CSMD1: variants seen among roughly 807,000 people sequenced by gnomAD.
The protein encoded by CSMD1 is CUB and sushi domain-containing protein 1.
A neutral mutation model predicts 417.5 loss-of-function variants in CSMD1; 213 were observed. The ratio of observed to expected loss-of-function variants is 0.51; its 90% CI spans 0.46 to 0.57. The LOEUF is 0.57. CSMD1 is among the 20% of genes least tolerant of loss of function. CSMD1 has a pLI of 0.00. For missense variants in CSMD1, 6,923 were observed against 4,529.7 expected, an observed-to-expected ratio of 1.53 and a Z score of -15.17; for synonymous variants, 2,862 against 1,736.8, an observed-to-expected ratio of 1.65 and a Z score of -16.11.
At chr8:4,039,421 T>C (rs1797775411) in intron 3 of CSMD1, among the ~76,000 whole-genome samples, 8 of 152,220 alleles carry the variant, frequency 5.3e-5, no homozygotes, top group African/African-American at 1.7e-4. Context: ...ATTTTCAGGA[T>C]CACATTAAAA....
At chr8:4,145,171 T>C (rs756883616) in intron 3 of CSMD1, among the ~76,000 whole-genome samples, 2 of 151,160 alleles carry the variant, frequency 1.3e-5, no homozygotes, top group Non-Finnish European at 2.9e-5. Flanking sequence ...AACCCATTCA[T>C]TCAATTACTA....
At chr8:3,325,046 A>G (rs1305534941) in intron 23 of CSMD1, among the ~76,000 whole-genome samples, 5 of 152,208 alleles carry the variant, frequency 3.3e-5, no homozygotes, top group African/African-American at 1.2e-4. Context: ...GAATTTGTGG[A>G]GCAGAGAAAA....
chr8:4,053,232 G>C (rs1185027112), intron 3 of CSMD1, among the ~76,000 whole-genome samples: 1 of 152,202 alleles, frequency 6.6e-6, no homozygotes, highest in African/African-American at 2.4e-5. Flanking sequence ...ACAGCACCGT[G>C]TGTTTAGAAC....
At position 3,853,933 on chromosome 8, in the gene CSMD1, T is replaced by C. The variant is rs193057274; in HGVS notation, c.819-99891A>G. On this transcript the variant is annotated intron_variant, in intron 5 of 69. Coordinates refer to ENST00000635120, the MANE Select transcript of CSMD1 (RefSeq NM_033225.6). Reference sequence around the variant, plus strand: ...TACATTAAAGTATAATATATTAATATATTAAAGTATAATATATTAATATAT... The same window carrying C: ...TACATTAAAGTATAATATATTAATACATTAAAGTATAATATATTAATATAT... Among the ~76,000 whole-genome samples the C allele has an allele frequency of 7.8e-4, 114 of 146,562 alleles. 1 individual carries two copies. The highest frequency in any genetic ancestry group is 3.5e-3 in the Admixed American group (50 of 14,464).
intron 3 of CSMD1, among the ~76,000 whole-genome samples, chr8:4,381,977 G>C (rs935542864): frequency 2.0e-5 from 3 of 152,060 alleles, no homozygotes; most frequent in African/African-American, 7.2e-5. Flanking sequence ...ACTCTCTGTG[G>C]TAAAATGACC....
At chr8:3,488,387 C>G (rs1300135138) in intron 11 of CSMD1, among the ~76,000 whole-genome samples, 1 of 152,194 alleles carries the variant, frequency 6.6e-6, no homozygotes, top group African/African-American at 2.4e-5. Flanking sequence ...GGATTATAGG[C>G]GTATACCAGC....
chr8:4,740,316 ATGT>A (rs1319288268), intron 1 of CSMD1, among the ~76,000 whole-genome samples: 3 of 152,158 alleles, frequency 2.0e-5, no homozygotes, highest in Admixed American at 6.5e-5. Context: ...CATTTTACTA[ATGT>A]TGTGATATAG....
At chr8:3,559,571 T>C (rs905383661) in intron 10 of CSMD1, among the ~76,000 whole-genome samples, 1 of 152,168 alleles carries the variant, frequency 6.6e-6, no homozygotes, top group East Asian at 1.9e-4. Flanking sequence ...TTTGTGTTTA[T>C]AAACACAGAG....
intron 1 of CSMD1, among the ~76,000 whole-genome samples, chr8:4,922,782 A>G (rs997426994): frequency 5.3e-5 from 8 of 152,126 alleles, no homozygotes; most frequent in Non-Finnish European, 1.5e-5. Context: ...AAGGACACCA[A>G]AGTCACCCCA....
At chr8:3,979,009 A>T (rs993016625) in intron 5 of CSMD1, among the ~76,000 whole-genome samples, 2 of 152,208 alleles carry the variant, frequency 1.3e-5, no homozygotes, top group African/African-American at 4.8e-5. Context: ...AAAATCAGAA[A>T]AAGAACAAAG....
intron 1 of CSMD1, among the ~76,000 whole-genome samples, chr8:4,975,840 C>T (rs955639240): frequency 6.6e-6 from 1 of 152,064 alleles, no homozygotes; most frequent in Admixed American, 6.6e-5. Context: ...AAAAACCCAG[C>T]AGATACTACT....
At chr8:3,416,901 G>A (rs943445053) in intron 12 of CSMD1, among the ~76,000 whole-genome samples, 5 of 152,110 alleles carry the variant, frequency 3.3e-5, no homozygotes, top group East Asian at 1.9e-4. Flanking sequence ...GTATAAAACC[G>A]CTCAATGAAT....
Position 3,378,232 on chromosome 8 carries a change from A to T in CSMD1, c.2783-8862T>A, listed in dbSNP as rs144937849. ...CGAATCCCTGAATAGACCAAAAACA[A>T]GTTCTGAAATTGAAGCAGTAATTAA... On this transcript the variant is annotated intron_variant, in intron 18 of 69. Coordinates refer to ENST00000635120, the MANE Select transcript of CSMD1 (RefSeq NM_033225.6). Among the ~76,000 whole-genome samples the T allele has an allele frequency of 2.7e-3, 413 of 152,332 alleles. 3 individuals are homozygous for T. The highest frequency in any genetic ancestry group is 9.2e-3 in the African/African-American group (383 of 41,582).
intron 5 of CSMD1, among the ~76,000 whole-genome samples, chr8:3,995,024 C>T (rs1407696042): frequency 2.0e-5 from 3 of 152,150 alleles, no homozygotes; most frequent in Admixed American, 1.3e-4. Flanking sequence ...CCACAATGCT[C>T]CCCGTCCCTG....
At chr8:3,097,149 T>G (rs968815158) in intron 46 of CSMD1, 112 bp from the exon 47 acceptor site, 9 of 839,364 alleles carry the variant, frequency 1.1e-5, no homozygotes, top group Non-Finnish European at 1.6e-5. Context: ...GCAATCTTAT[T>G]GAGCTCTGGC....
chr8:3,936,840 A>T (rs1349317399), intron 5 of CSMD1, among the ~76,000 whole-genome samples: 2 of 152,184 alleles, frequency 1.3e-5, no homozygotes, highest in African/African-American at 2.4e-5. Context: ...ATGGAGAGTG[A>T]GTCCATTGAT....
chr8:3,642,834 T>C (rs1450223861), intron 7 of CSMD1, among the ~76,000 whole-genome samples: 2 of 152,084 alleles, frequency 1.3e-5, no homozygotes, highest in African/African-American at 4.8e-5. Context: ...TATACATCCA[T>C]ATTTGTGTAT....
chr8:3,332,002 T>C (rs928577692), intron 23 of CSMD1, among the ~76,000 whole-genome samples: 12 of 152,124 alleles, frequency 7.9e-5, no homozygotes, highest in African/African-American at 2.9e-4. Flanking sequence ...CGTCAATCAG[T>C]AGATACATAT....
intron 10 of CSMD1, among the ~76,000 whole-genome samples, chr8:3,569,603 G>A (rs1379303672): frequency 1.3e-5 from 2 of 152,140 alleles, no homozygotes; most frequent in Non-Finnish European, 2.9e-5. Context: ...TGATGCTTCT[G>A]GCAAGAGTCA....
Sources: gnomAD v4.1 joint callset for allele counts (sites outside exome capture counted in the v4.1 genomes callset) on GRCh38, gnomAD v4.1.1 for gene constraint, MANE v1.5 for transcripts, NCBI Gene and HGNC (gene_info 2026-07-23, HGNC 2026-07-21) for gene names.